ARHGEF10: variants seen among roughly 807,000 people sequenced by gnomAD.
ARHGEF10 encodes the protein Rho guanine nucleotide exchange factor (GEF) 10.
A neutral mutation model predicts 147.4 loss-of-function variants in ARHGEF10; 140 were observed. The observed-to-expected ratio is 0.95, with a 90% CI of 0.83 to 1.09. The LOEUF (loss-of-function observed/expected upper bound fraction) is 1.09, where lower values mean the gene tolerates loss of function less well. Among genes scored for constraint, ARHGEF10 ranks in the 50% least tolerant of loss-of-function variants. The pLI is 0.00. For synonymous variants in ARHGEF10, 902 were observed against 695.8 expected (o/e 1.30, Z -4.67); for missense variants, 2,222 against 1,752.7 (o/e 1.27, Z -4.78).
At chr8:1,918,171 C>G (rs1811901575) in intron 18 of ARHGEF10, among the ~76,000 whole-genome samples, 1 of 152,200 alleles carries the variant, frequency 6.6e-6, no homozygotes, top group Non-Finnish European at 1.5e-5. Flanking sequence ...TTGAAAAGCA[C>G]TGGCCGCACT....
chr8:1,823,580 G>A (rs1802533530), upstream of ARHGEF10, among the ~76,000 whole-genome samples: 1 of 152,004 alleles, frequency 6.6e-6, no homozygotes, highest in Non-Finnish European at 1.5e-5. Flanking sequence ...GCGCAGCTCT[G>A]AGCCGGGAGC....
intron 26 of ARHGEF10, among the ~76,000 whole-genome samples, chr8:1,941,001 C>T (rs972002580): frequency 5.3e-5 from 8 of 152,216 alleles, no homozygotes; most frequent in Non-Finnish European, 1.2e-4. Context: ...CTATAAAACA[C>T]TCACAGCTAA....
intron 7 of ARHGEF10, among the ~76,000 whole-genome samples, chr8:1,873,661 G>A (rs1219302070): frequency 6.8e-6 from 1 of 147,020 alleles, no homozygotes; most frequent in African/African-American, 2.5e-5. Context: ...GGTGCCGCGG[G>A]GTAGTGCACC....
intron 1 of ARHGEF10, among the ~76,000 whole-genome samples, chr8:1,840,416 G>A (rs1803931545): frequency 7.3e-6 from 1 of 136,726 alleles, no homozygotes; most frequent in Non-Finnish European, 1.6e-5. Flanking sequence ...GGGACTGTCT[G>A]GTGTGGAAGC....
At chr8:1,886,831 G>A (rs1482515978) in intron 11 of ARHGEF10, among the ~76,000 whole-genome samples, 2 of 152,186 alleles carry the variant, frequency 1.3e-5, no homozygotes, top group African/African-American at 2.4e-5. Flanking sequence ...GGAAGGGGTC[G>A]TGTCTGATCT....
intron 26 of ARHGEF10, among the ~76,000 whole-genome samples, chr8:1,936,172 G>T (rs1813586755): frequency 6.6e-6 from 1 of 152,138 alleles, no homozygotes; most frequent in South Asian, 2.1e-4. Flanking sequence ...AACAAACTGG[G>T]ATAACACAGG....
chr8:1,954,991 C>G (rs1815372894), intron 28 of ARHGEF10, among the ~76,000 whole-genome samples: 1 of 146,372 alleles, frequency 6.8e-6, no homozygotes, highest in Admixed American at 6.8e-5. Flanking sequence ...CACTGTTCCT[C>G]TGGAGGATAG....
At chr8:1,864,473 C>T (rs781597906) in intron 5 of ARHGEF10, 37 bp downstream of exon 5, 55 of 1,594,296 alleles carry the variant, frequency 3.4e-5, no homozygotes, top group Middle Eastern at 1.7e-4. Context: ...GCTGAATTCC[C>T]GCCTTTCTCC....
intron 1 of ARHGEF10, among the ~76,000 whole-genome samples, chr8:1,837,220 C>T (rs1156432720): frequency 6.6e-6 from 1 of 152,236 alleles, no homozygotes; most frequent in African/African-American, 2.4e-5. Flanking sequence ...CAGTTGCTTC[C>T]CAGAGCCAGG....
intron 11 of ARHGEF10, among the ~76,000 whole-genome samples, chr8:1,888,849 T>TGGGGTGAGAG (rs1809076314): frequency 2.7e-5 from 1 of 37,038 alleles, no homozygotes; most frequent in Non-Finnish European, 4.5e-5. Flanking sequence ...TAGGGTGAGG[T>TGGGGTGAGAG]TTGTGAGGAG....
intron 2 of ARHGEF10, among the ~76,000 whole-genome samples, chr8:1,856,590 G>C (rs1053821139): frequency 2.0e-5 from 3 of 152,228 alleles, no homozygotes; most frequent in Admixed American, 1.3e-4. Context: ...AGAGCGCCTG[G>C]AGACTGCGTG....
chr8:1,951,761 C>T (rs891132964), intron 27 of ARHGEF10, among the ~76,000 whole-genome samples: 1 of 152,210 alleles, frequency 6.6e-6, no homozygotes, highest in African/African-American at 2.4e-5. Context: ...ATTAGCTTTT[C>T]TGTGTGTGAA....
chr8:1,955,397 G>T (rs1815460422), intron 28 of ARHGEF10, among the ~76,000 whole-genome samples: 1 of 150,748 alleles, frequency 6.6e-6, no homozygotes, highest in Admixed American at 6.6e-5. Flanking sequence ...TACTCTCACT[G>T]TTTCTCTGGA....
intron 1 of ARHGEF10, among the ~76,000 whole-genome samples, chr8:1,828,272 T>G (rs1802885432): frequency 6.6e-6 from 1 of 152,252 alleles, no homozygotes; most frequent in South Asian, 2.1e-4. Flanking sequence ...ACCCTTACAC[T>G]TGGATGTGGT....
In ARHGEF10 at chr8:1,952,595, C is replaced by A; in HGVS notation, c.3398-110C>A. 14 of 1,442,306 alleles carry A rather than the reference C, an allele frequency of 9.7e-6. No homozygotes were observed. The Middle Eastern group carries it at 7.2e-4, about 74-fold the overall frequency. 89.3% of individuals were successfully genotyped at this position (1,442,306 alleles called of 1,614,324 possible). On this transcript the variant is annotated intron_variant, in intron 27 of 28. Transcript: ENST00000349830. ...CTCCTGTGCCACATCCTGCCCCTGG[C>A]GGATTTGGTGGTGGCACGACAGGCC...
chr8:1,850,459 A>C (rs1425336478), intron 2 of ARHGEF10, among the ~76,000 whole-genome samples: 1 of 123,370 alleles, frequency 8.1e-6, no homozygotes. Flanking sequence ...GTGTGGGGCA[A>C]CCGCGTGGGC....
At chr8:1,847,761 C>T (rs56042540) in intron 2 of ARHGEF10, among the ~76,000 whole-genome samples, 19,340 of 152,154 alleles carry the variant, frequency 0.13, 1,450 homozygotes, top group African/African-American at 0.2. Flanking sequence ...TTTCTTTAAA[C>T]AATAGAGCTA....
intron 15 of ARHGEF10, among the ~76,000 whole-genome samples, chr8:1,901,043 G>C (rs148040476): frequency 3.5e-4 from 54 of 152,144 alleles, no homozygotes; most frequent in Non-Finnish European, 7.1e-4. Flanking sequence ...AGGGGAGCAG[G>C]GTGGGTCCAC....
At chr8:1,847,073 T>C (rs537484332) in intron 2 of ARHGEF10, among the ~76,000 whole-genome samples, 4 of 152,320 alleles carry the variant, frequency 2.6e-5, no homozygotes, top group African/African-American at 9.6e-5. Flanking sequence ...ACCAGGTCCC[T>C]GTGCCTTCTC....
Sources: gnomAD v4.1 joint callset for allele counts (sites outside exome capture counted in the v4.1 genomes callset) on GRCh38, gnomAD v4.1.1 for gene constraint, MANE v1.5 for transcripts, NCBI Gene and HGNC (gene_info 2026-07-23, HGNC 2026-07-21) for gene names.